Variants in ECI2 observed in about 807,000 individuals in gnomAD.
ECI2 encodes the protein enoyl-CoA delta isomerase 2.
A neutral mutation model predicts 38.4 loss-of-function variants in ECI2; 27 were observed. The ratio of observed to expected loss-of-function variants is 0.70; its 90% CI spans 0.52 to 0.97. ECI2 has a LOEUF of 0.97. ECI2 is among the 50% of genes least tolerant of loss of function. The pLI is 0.00. For synonymous variants in ECI2, 168 were observed against 172.0 expected, an observed-to-expected ratio of 0.98 and a Z score of 0.18; for missense variants, 470 against 474.4, an observed-to-expected ratio of 0.99 and a Z score of 0.09.
rs1773449295 is a variant in ECI2, at chr6:4,130,501, G to T, written c.372C>A (p.Ser124=). Residue 124 remains serine (S), a synonymous_variant, in exon 4 of 10, where the codon TCC becomes TCA. Coordinates refer to ENST00000380118, the MANE Select transcript of ECI2 (RefSeq NM_206836.3). ...LVSSLSPSLE[S]SSQVEPGTDR... Reference sequence around the variant, plus strand: ...CTGTTCCAGGCTCCACCTGACTAGAGGATTCCAATGAAGGACTCAAACTGG... The same window carrying T: ...CTGTTCCAGGCTCCACCTGACTAGATGATTCCAATGAAGGACTCAAACTGG... 2 of 1,614,076 alleles carry T rather than the reference G, an allele frequency of 1.2e-6. No individual in the cohort carries two copies. The highest frequency in any genetic ancestry group is 2.2e-5 in the South Asian group (2 of 91,092).
At chr6:4,135,125 G>A (rs2113036083) in intron 1 of ECI2, 2 of 507,340 alleles carry the variant, frequency 3.9e-6, no homozygotes, top group East Asian at 1.1e-4. Flanking sequence ...CTCGCTTTTA[G>A]CAAGCGACGC....
intron 4 of ECI2, among the ~76,000 whole-genome samples, chr6:4,128,144 C>A (rs1399259231): frequency 6.6e-6 from 1 of 151,410 alleles, no homozygotes. Context: ...TTAACATGTT[C>A]AATTTGGAAT....
At chr6:4,121,933 T>G in intron 7 of ECI2, 1 of 1,494,252 alleles carries the variant, frequency 6.7e-7, no homozygotes, top group Non-Finnish European at 9.1e-7. Flanking sequence ...ATGTATCTTC[T>G]TTTTTTATCC....
intron 1 of ECI2, 81 bp downstream of exon 1, chr6:4,135,430 C>G: frequency 8.7e-6 from 14 of 1,605,914 alleles, no homozygotes; most frequent in Non-Finnish European, 1.1e-5. Context: ...GAAGGAGGGT[C>G]TTCCAACGGC....
intron 7 of ECI2, among the ~76,000 whole-genome samples, chr6:4,123,791 A>G (rs1772965028): frequency 6.6e-6 from 1 of 151,786 alleles, no homozygotes; most frequent in Admixed American, 6.6e-5. Flanking sequence ...ACACAGTGAA[A>G]CCCTGTCTCT....
rs1288614525 is a variant in ECI2 at position 4,126,007 on chromosome 6, G to A, written c.674+128C>T. The A allele has an allele frequency of 2.4e-5, 18 of 757,376 alleles. No homozygotes were observed. The highest frequency in any genetic ancestry group is 4.1e-5 in the Non-Finnish European group (18 of 439,580). The allele number at this position is 757,376 out of a possible 1,614,324, so 46.9% of individuals were successfully genotyped here. A position where few individuals can be genotyped will look rare whatever the true frequency, so the allele number is the denominator to read the frequency against. Reference sequence around the variant, plus strand: ...GGATGGAGGCAGTTTAGAGAAATATGCTTGTCCAAAGTCACAATTAACTGC... The same window carrying A: ...GGATGGAGGCAGTTTAGAGAAATATACTTGTCCAAAGTCACAATTAACTGC... On this transcript the variant is annotated intron_variant, in intron 6 of 9. Coordinates refer to ENST00000380118, the MANE Select transcript of ECI2 (RefSeq NM_206836.3).
intron 7 of ECI2, among the ~76,000 whole-genome samples, chr6:4,124,065 A>G (rs987745379): frequency 6.6e-6 from 1 of 152,220 alleles, no homozygotes; most frequent in Non-Finnish European, 1.5e-5. Context: ...CAAGTATTAA[A>G]GAATGAGATC....
intron 7 of ECI2, 44 bp from the exon 8 acceptor site, chr6:4,119,319 A>ATTTTT: frequency 8.5e-7 from 1 of 1,172,064 alleles, no homozygotes; most frequent in Non-Finnish European, 1.2e-6. Flanking sequence ...TTCATGTGTG[A>ATTTTT]TTTTTTTTTT....
intron 9 of ECI2, among the ~76,000 whole-genome samples, chr6:4,116,493 T>A (rs1772283079): frequency 6.6e-6 from 1 of 150,738 alleles, no homozygotes. Context: ...CAGGCTGGAG[T>A]GCAGTGGTGC....
rs1243877656 is a variant in ECI2 at position 4,130,356 on chromosome 6, G to A, written c.501+16C>T. ...GAAAGTAAAACAGGACAAACTCCGT[G>A]GGCAGGTAACATTACCTCAGTGTTT... is the stretch of plus-strand genomic sequence containing the variant. On this transcript the variant is annotated intron_variant, in intron 4 of 9. Coordinates refer to ENST00000380118, the MANE Select transcript of ECI2 (RefSeq NM_206836.3). The A allele has an allele frequency of 6.2e-7, 1 of 1,614,100 alleles. No homozygotes were observed. The highest frequency in any genetic ancestry group is 1.6e-4 in the Middle Eastern group (1 of 6,062).
At chr6:4,125,726 T>G (rs1051811888) in intron 6 of ECI2, 8 of 411,204 alleles carry the variant, frequency 1.9e-5, no homozygotes, top group South Asian at 6.9e-5. Context: ...AATTACAGAT[T>G]TGGCAGGAAT....
rs761629467 is a variant in ECI2 at position 4,125,947 on chromosome 6, C to T, written c.674+188G>A. The T allele has an allele frequency of 4.4e-6, 3 of 684,524 alleles. No individual in the cohort carries two copies. In the South Asian group the frequency reaches 4.6e-5, roughly 10 times the overall value. The allele number at this position is 684,524 out of a possible 1,614,324, so 42.4% of individuals were successfully genotyped here. A position where few individuals can be genotyped will look rare whatever the true frequency, so the allele number is the denominator to read the frequency against. The stretch of plus-strand genomic sequence containing the variant: ...TGAGACCAGCAGGATGAACAGGTAA[C>T]AGAGGTCAAAGAGAAAGAATGAATG... On this transcript the variant is annotated intron_variant, in intron 6 of 9. Transcript: ENST00000380118.
chr6:4,126,052 T>C, intron 6 of ECI2, 83 bp downstream of exon 6: 1 of 1,053,424 alleles, frequency 9.5e-7, no homozygotes. Context: ...GAGAAGCAGA[T>C]ATTGCACTTT....
chr6:4,118,438 CAT>C (rs1772430492), intron 8 of ECI2: 1 of 152,218 alleles, frequency 6.6e-6, no homozygotes, highest in Admixed American at 6.5e-5. Flanking sequence ...TAAAAACATA[CAT>C]ATATAAGTTT....
chr6:4,130,532 A>G lies in ECI2; in HGVS notation c.341T>C (p.Leu114Ser). 1.2e-6 allele frequency: 2 copies of G among 1,614,238 alleles called. No homozygotes were observed. Among genetic ancestry groups the G allele is most frequent in the Non-Finnish European group, 1.7e-6 (2 of 1,180,036 alleles). The change falls in exon 4 of 10, where the codon TTG becomes TCG. Residue 114 changes from leucine to serine, a missense_variant. Coordinates refer to ENST00000380118, the MANE Select transcript of ECI2 (RefSeq NM_206836.3). Reference protein sequence around the residue: ...KEAARQNYVDLVSSLSPSLES... With the variant: ...KEAARQNYVDSVSSLSPSLES... ...CAATGAAGGACTCAAACTGGACACC[A>G]AATCCACATAGTTCTGCCTGGCAGC...
intron 1 of ECI2, among the ~76,000 whole-genome samples, chr6:4,134,169 C>A (rs900539385): frequency 6.6e-6 from 1 of 152,140 alleles, no homozygotes; most frequent in East Asian, 1.9e-4. Context: ...TCTTTGCTGG[C>A]GAAGCTGGTG....
intron 7 of ECI2, among the ~76,000 whole-genome samples, chr6:4,121,625 GTT>G (rs991639936): frequency 6.7e-6 from 1 of 149,158 alleles, no homozygotes; most frequent in African/African-American, 2.5e-5. Context: ...TGCCCCAGTG[GTT>G]TTTTTGGTTG....
At chr6:4,123,372 T>G (rs1163769169) in intron 7 of ECI2, among the ~76,000 whole-genome samples, 3 of 151,918 alleles carry the variant, frequency 2.0e-5, no homozygotes, top group African/African-American at 7.2e-5. Flanking sequence ...AGATGGTGTT[T>G]CACCATGTTG....
chr6:4,122,366 G>A (rs947901500), intron 7 of ECI2, among the ~76,000 whole-genome samples: 3 of 151,914 alleles, frequency 2.0e-5, no homozygotes, highest in South Asian at 2.1e-4. Context: ...GATTATAGGC[G>A]TGCACCACCA....
Sources: allele counts gnomAD v4.1 joint callset (sites outside exome capture counted in the v4.1 genomes callset), GRCh38; gene constraint gnomAD v4.1.1; transcripts MANE v1.5; gene names NCBI Gene and HGNC (gene_info 2026-07-23, HGNC 2026-07-21).